The following KLHL7 variants were observed in gnomAD, a reference collection of about 807,000 sequenced individuals.
KLHL7 encodes kelch like family member 7.
In KLHL7, 44 loss-of-function variants were observed where a neutral mutation model predicts 67.4. The observed-to-expected ratio is 0.65, with a 90% CI of 0.51 to 0.84. The LOEUF (loss-of-function observed/expected upper bound fraction) is 0.84, where lower values mean the gene tolerates loss of function less well. KLHL7 is among the 40% of genes least tolerant of loss of function. The pLI, the probability that KLHL7 is intolerant of heterozygous loss-of-function variation, is 0.00. For synonymous variants in KLHL7, 252 were observed against 243.3 expected (o/e 1.04, Z -0.33); for missense variants, 362 against 718.1 (o/e 0.50, Z 5.67).
intron 4 of KLHL7, among the ~76,000 whole-genome samples, chr7:23,134,889 A>G (rs1257143844): frequency 6.6e-6 from 1 of 152,026 alleles, no homozygotes; most frequent in East Asian, 1.9e-4. Context: ...TTAACTTTTC[A>G]AAAAAACAAC....
Position 23,167,821 on chromosome 7 carries a change from CT to C in KLHL7, c.1178-10del. On this transcript the variant is annotated splice_polypyrimidine_tract_variant and intron_variant, in intron 8 of 10. Transcript: ENST00000339077. ...ACACTAAAGTTAAGCATGATGGGGC[CT>C]TTTTCTTTTACAGGAAACTCAGCTC... 6.2e-7 allele frequency: 1 copy of C among 1,613,278 alleles called. No individual in the cohort carries two copies. The highest frequency in any genetic ancestry group is 8.5e-7 in the Non-Finnish European group (1 of 1,179,286).
At position 23,177,628 on chromosome 7, in the gene KLHL7, T is replaced by C. The variant is rs534540982; in HGVS notation, c.*3330T>C. 9 of 152,292 alleles carry C rather than the reference T, an allele frequency of 5.9e-5. 1 individual carries two copies. The East Asian group carries it at 1.7e-3, about 29-fold the overall frequency. 9.4% of individuals were successfully genotyped at this position (152,292 alleles called of 1,614,324 possible). ...GTAAAGTGCTCTGCTTGCTTTTTAG[T>C]AGACATTTGATAAGTTAATGTTATA... On this transcript the variant is annotated 3_prime_UTR_variant, in exon 11 of 11. Transcript: ENST00000339077.
intron 9 of KLHL7, among the ~76,000 whole-genome samples, chr7:23,169,744 C>T (rs998916392): frequency 3.9e-5 from 6 of 152,086 alleles, no homozygotes; most frequent in African/African-American, 1.4e-4. Flanking sequence ...TATTCAGTTT[C>T]AGGAATATTT....
chr7:23,168,239 C>A, intron 9 of KLHL7: 1 of 584,428 alleles, frequency 1.7e-6, no homozygotes, highest in Non-Finnish European at 3.0e-6. Flanking sequence ...AACTTACACC[C>A]CATGGGAACC....
intron 1 of KLHL7, chr7:23,106,381 G>T (rs1782639803): frequency 2.9e-6 from 4 of 1,365,840 alleles, no homozygotes; most frequent in African/African-American, 2.9e-5. Flanking sequence ...TCAGACTCCT[G>T]GGGGACTCCT....
At chr7:23,146,634 C>T (rs541341377) in intron 6 of KLHL7, among the ~76,000 whole-genome samples, 29 of 147,834 alleles carry the variant, frequency 2.0e-4, no homozygotes, top group Non-Finnish European at 3.8e-4. Context: ...GCATTTATCA[C>T]TTATAGAGTT....
chr7:23,130,933 G>A (rs1783777120), intron 4 of KLHL7, among the ~76,000 whole-genome samples: 1 of 152,160 alleles, frequency 6.6e-6, no homozygotes, highest in Non-Finnish European at 1.5e-5. Context: ...AACAGGTATA[G>A]CAACAAAAAG....
intron 7 of KLHL7, 26 bp from the exon 8 acceptor site, chr7:23,165,672 A>G: frequency 6.2e-7 from 1 of 1,613,892 alleles, no homozygotes; most frequent in Non-Finnish European, 8.5e-7. Context: ...TCCTTACTGA[A>G]AGCTTCCCAT....
chr7:23,156,023 C>T, intron 7 of KLHL7: 1 of 466,456 alleles, frequency 2.1e-6, no homozygotes, highest in South Asian at 1.6e-5. Flanking sequence ...CTACACGAGC[C>T]TGGAAGTGAG....
intron 1 of KLHL7, chr7:23,117,761 C>A: frequency 7.3e-7 from 1 of 1,362,970 alleles, no homozygotes; most frequent in Non-Finnish European, 9.9e-7. Flanking sequence ...TTTATTGAAG[C>A]TTTTCTAGTA....
chr7:23,127,094 G>GT (rs1783601893), intron 4 of KLHL7, among the ~76,000 whole-genome samples: 1 of 152,070 alleles, frequency 6.6e-6, no homozygotes, highest in African/African-American at 2.4e-5. Context: ...TATAAACGGG[G>GT]AATTACCTTA....
chr7:23,116,367 G>A (rs1170815664), intron 1 of KLHL7, among the ~76,000 whole-genome samples: 1 of 152,120 alleles, frequency 6.6e-6, no homozygotes, highest in African/African-American at 2.4e-5. Flanking sequence ...GAAATTTCTA[G>A]GCCTTGCAAA....
chr7:23,154,450 C>A (rs192977688), intron 7 of KLHL7, among the ~76,000 whole-genome samples: 2 of 152,302 alleles, frequency 1.3e-5, no homozygotes, highest in Admixed American at 1.3e-4. Context: ...CTGCTCTAGA[C>A]CTAAGAACAT....
intron 5 of KLHL7, among the ~76,000 whole-genome samples, chr7:23,142,623 G>A (rs1784225907): frequency 6.6e-6 from 1 of 152,150 alleles, no homozygotes; most frequent in Admixed American, 6.5e-5. Flanking sequence ...CACACTTGAT[G>A]TAATGAAAAT....
chr7:23,115,459 A>G (rs1783044587), intron 1 of KLHL7, among the ~76,000 whole-genome samples: 2 of 152,150 alleles, frequency 1.3e-5, no homozygotes, highest in Admixed American at 6.6e-5. Context: ...TTCCATGCTT[A>G]TAGGGGCACT....
intron 1 of KLHL7, among the ~76,000 whole-genome samples, chr7:23,121,112 T>C (rs1204624126): frequency 6.6e-6 from 1 of 152,230 alleles, no homozygotes; most frequent in Non-Finnish European, 1.5e-5. Context: ...CCTAGCTTAT[T>C]TCAACTAACA....
At chr7:23,164,013 C>G (rs1396049536) in intron 7 of KLHL7, among the ~76,000 whole-genome samples, 1 of 152,140 alleles carries the variant, frequency 6.6e-6, no homozygotes. Context: ...CTAGATTTCC[C>G]TGTAGATTTC....
rs532204332 is a variant in KLHL7 at position 23,113,455 on chromosome 7, A to G, written c.120+7309A>G. Among the ~76,000 whole-genome samples, 13 of 152,312 alleles carry G rather than the reference A, an allele frequency of 8.5e-5. No homozygotes were observed. The East Asian group carries it at 2.5e-3, about 29-fold the overall frequency. ...TTTCTTTTGGGCCTCAAAATCTCTAAACTAACAGAACCCACTAGCAGAAAG... is the reference window on the plus strand; with the variant it reads ...TTTCTTTTGGGCCTCAAAATCTCTAGACTAACAGAACCCACTAGCAGAAAG... On this transcript the variant is annotated intron_variant, in intron 1 of 10. Coordinates refer to ENST00000339077, the MANE Select transcript of KLHL7 (RefSeq NM_001031710.3).
chr7:23,135,266 T>C (rs1783936440), intron 4 of KLHL7, among the ~76,000 whole-genome samples: 1 of 152,252 alleles, frequency 6.6e-6, no homozygotes, highest in African/African-American at 2.4e-5. Context: ...TATTAATATC[T>C]AGTTTTATTC....
Sources: gnomAD v4.1 joint callset for allele counts (sites outside exome capture counted in the v4.1 genomes callset) on GRCh38, gnomAD v4.1.1 for gene constraint, MANE v1.5 for transcripts, NCBI Gene and HGNC (gene_info 2026-07-23, HGNC 2026-07-21) for gene names.